The following GABBR2 variants were observed in gnomAD, a reference collection of about 807,000 sequenced individuals.
The protein encoded by GABBR2 is gamma-aminobutyric acid type B receptor subunit 2.
In GABBR2, 23 loss-of-function variants were observed where a neutral mutation model predicts 105.6. That is an observed-to-expected ratio of 0.22 (90% CI 0.16 to 0.31). GABBR2 has a LOEUF of 0.31. Ranked by LOEUF, GABBR2 falls within the 10% of genes least tolerant of loss-of-function variation. The pLI is 1.00. For synonymous variants in GABBR2, 478 were observed against 499.7 expected (o/e 0.96, Z 0.58); for missense variants, 734 against 1,245.5 (o/e 0.59, Z 6.18).
rs182100998 is a variant in GABBR2 at position 98,462,780 on chromosome 9, G to A, written c.1000-8563C>T. Reference sequence around the variant, plus strand: ...CTAAAGCTGAACATATGGCTACTCTGACTCAGAATTCCACCCCAAGTATGC... The same window carrying A: ...CTAAAGCTGAACATATGGCTACTCTAACTCAGAATTCCACCCCAAGTATGC... On this transcript the variant is annotated intron_variant, in intron 6 of 18. Transcript: ENST00000259455. Among the ~76,000 whole-genome samples, 207 of 152,288 alleles carry A rather than the reference G, an allele frequency of 1.4e-3. 1 individual carries two copies. The highest frequency in any genetic ancestry group is 4.8e-3 in the African/African-American group (200 of 41,566).
At chr9:98,520,429 G>A (rs747474490) in intron 3 of GABBR2, among the ~76,000 whole-genome samples, 1 of 152,226 alleles carries the variant, frequency 6.6e-6, no homozygotes, top group African/African-American at 2.4e-5. Context: ...AGGAGCAGAT[G>A]TGTGGAGCTT....
chr9:98,393,299 C>T (rs1832226422), intron 9 of GABBR2, among the ~76,000 whole-genome samples: 1 of 151,196 alleles, frequency 6.6e-6, no homozygotes, highest in Non-Finnish European at 1.5e-5. Context: ...ATCCATCTAT[C>T]CATCCATCTG....
intron 4 of GABBR2, among the ~76,000 whole-genome samples, chr9:98,495,072 C>T (rs1469947673): frequency 6.6e-6 from 1 of 152,242 alleles, no homozygotes; most frequent in African/African-American, 2.4e-5. Flanking sequence ...CCCAACACAG[C>T]CTGTGACACT....
In GABBR2 at chr9:98,398,327, C is replaced by T. The variant is rs941340606; in HGVS notation, c.1298-4072G>A. The stretch of plus-strand genomic sequence containing the variant: ...TAAATGTACTCAATTCTAGGACCCA[C>T]CCCCCAAACTCAGGCATAGAAAAGA... On this transcript the variant is annotated intron_variant, in intron 8 of 18. Coordinates refer to ENST00000259455, the MANE Select transcript of GABBR2 (RefSeq NM_005458.8). 2.7e-5 allele frequency among the ~76,000 whole-genome samples: 4 copies of T among 150,080 alleles called. 1 individual carries two copies. Among genetic ancestry groups the T allele is most frequent in the Admixed American group, 6.6e-5 (1 of 15,214 alleles).
intron 11 of GABBR2, among the ~76,000 whole-genome samples, chr9:98,383,917 T>C (rs913416076): frequency 3.3e-5 from 5 of 152,284 alleles, no homozygotes; most frequent in African/African-American, 9.6e-5. Flanking sequence ...GTGCTTCGTT[T>C]AAGCATCCCT....
At chr9:98,650,785 A>G (rs1830093202) in intron 1 of GABBR2, among the ~76,000 whole-genome samples, 2 of 152,220 alleles carry the variant, frequency 1.3e-5, no homozygotes, top group Admixed American at 6.5e-5. Flanking sequence ...TGCATGCTAC[A>G]ACATGGATGA....
chr9:98,341,134 C>A (rs565275658), intron 13 of GABBR2, among the ~76,000 whole-genome samples: 75 of 152,328 alleles, frequency 4.9e-4, no homozygotes, highest in Non-Finnish European at 6.9e-4. Flanking sequence ...GGGAAGCCAA[C>A]AAGGAAGATG....
At chr9:98,646,498 A>C (rs1462572535) in intron 1 of GABBR2, among the ~76,000 whole-genome samples, 4 of 152,084 alleles carry the variant, frequency 2.6e-5, no homozygotes, top group African/African-American at 9.7e-5. Context: ...TCTGCTTTGT[A>C]TCCTTTTGCT....
chr9:98,556,782 A>AC (rs1362418106), intron 2 of GABBR2, among the ~76,000 whole-genome samples: 1 of 152,174 alleles, frequency 6.6e-6, no homozygotes, highest in East Asian at 1.9e-4. Context: ...GCGGTGGCTG[A>AC]CGCCTGAATC....
intron 1 of GABBR2, among the ~76,000 whole-genome samples, chr9:98,589,274 AC>A (rs1234479196): frequency 2.0e-5 from 3 of 152,098 alleles, no homozygotes; most frequent in Admixed American, 2.0e-4. Flanking sequence ...CTGAAGGCTC[AC>A]CCTGCCCATC....
chr9:98,458,255 C>T (rs1373257641), intron 6 of GABBR2, among the ~76,000 whole-genome samples: 1 of 152,216 alleles, frequency 6.6e-6, no homozygotes, highest in Non-Finnish European at 1.5e-5. Context: ...ACATCTGCAA[C>T]TGATCCCCAC....
At chr9:98,445,023 C>A (rs75304461) in intron 7 of GABBR2, among the ~76,000 whole-genome samples, 1 of 152,170 alleles carries the variant, frequency 6.6e-6, no homozygotes, top group South Asian at 2.1e-4. Flanking sequence ...GATTATTTAT[C>A]GGGTTGAAAA....
At chr9:98,593,005 G>T (rs1829168474) in intron 1 of GABBR2, among the ~76,000 whole-genome samples, 1 of 151,876 alleles carries the variant, frequency 6.6e-6, no homozygotes, top group South Asian at 2.1e-4. Flanking sequence ...TTGAAGACAG[G>T]GTCTCACTCT....
At chr9:98,511,051 C>T (rs1827630482) in intron 3 of GABBR2, among the ~76,000 whole-genome samples, 1 of 152,230 alleles carries the variant, frequency 6.6e-6, no homozygotes, top group Non-Finnish European at 1.5e-5. Context: ...TTATAACAAA[C>T]TGCCTCTCAG....
At chr9:98,363,825 C>T (rs553265064) in intron 12 of GABBR2, among the ~76,000 whole-genome samples, 5 of 152,224 alleles carry the variant, frequency 3.3e-5, no homozygotes, top group East Asian at 1.9e-4. Context: ...TGATAGGGAT[C>T]GGCTGGGGGA....
At chr9:98,316,193 C>T (rs1427505881) in intron 13 of GABBR2, among the ~76,000 whole-genome samples, 1 of 151,682 alleles carries the variant, frequency 6.6e-6, no homozygotes, top group African/African-American at 2.4e-5. Context: ...CTCTTGTTGC[C>T]CAGGCTGGAG....
At chr9:98,391,348 A>T (rs1832177004) in intron 9 of GABBR2, among the ~76,000 whole-genome samples, 1 of 152,162 alleles carries the variant, frequency 6.6e-6, no homozygotes, top group South Asian at 2.1e-4. Flanking sequence ...CAGAGGGGAC[A>T]ATGGTTTTCT....
At chr9:98,401,389 G>A (rs1832392295) in intron 8 of GABBR2, among the ~76,000 whole-genome samples, 1 of 152,158 alleles carries the variant, frequency 6.6e-6, no homozygotes, top group Admixed American at 6.5e-5. Context: ...AACATGGAGA[G>A]TCGATGGCTC....
intron 12 of GABBR2, among the ~76,000 whole-genome samples, chr9:98,365,644 G>T (rs1831663208): frequency 6.6e-6 from 1 of 152,224 alleles, no homozygotes; most frequent in Non-Finnish European, 1.5e-5. Context: ...GTCAGGTTCT[G>T]TTCTAGGCAC....
Sources: gnomAD v4.1 joint callset for allele counts (sites outside exome capture counted in the v4.1 genomes callset) on GRCh38, gnomAD v4.1.1 for gene constraint, MANE v1.5 for transcripts, NCBI Gene and HGNC (gene_info 2026-07-23, HGNC 2026-07-21) for gene names.